MTHFD1L: variants seen among roughly 807,000 people sequenced by gnomAD.
MTHFD1L encodes methylenetetrahydrofolate dehydrogenase (NADP+ dependent) 1 like, also known as monofunctional C1-tetrahydrofolate synthase, mitochondrial.
MTHFD1L carries 81 observed loss-of-function variants against 119.5 expected under a neutral mutation model. That is an observed-to-expected ratio of 0.68 (90% CI 0.57 to 0.82). The LOEUF (loss-of-function observed/expected upper bound fraction) is 0.82. Ranked by LOEUF, MTHFD1L falls within the 40% of genes least tolerant of loss-of-function variation. The probability of loss-of-function intolerance (pLI) is 0.00; values close to 1 mark genes in which losing one functional copy is unlikely to be tolerated. For synonymous variants in MTHFD1L, 430 were observed against 475.2 expected (o/e 0.90, Z 1.24); for missense variants, 1,125 against 1,253.4 (o/e 0.90, Z 1.55).
chr6:150,866,152 G>T, intron 1 of MTHFD1L, 103 bp downstream of exon 1: 2 of 1,405,984 alleles, frequency 1.4e-6, no homozygotes, highest in South Asian at 2.9e-5. Flanking sequence ...GCGGGGCTGC[G>T]AGTGTTTGGT....
chr6:150,979,648 G>A (rs567998679), intron 20 of MTHFD1L, among the ~76,000 whole-genome samples: 21 of 151,990 alleles, frequency 1.4e-4, no homozygotes, highest in South Asian at 4.2e-4. Context: ...TTACAGGCAC[G>A]CACCACCATG....
chr6:151,090,547 A>G (rs1299581184), intron 26 of MTHFD1L, among the ~76,000 whole-genome samples: 1 of 151,688 alleles, frequency 6.6e-6, no homozygotes, highest in Non-Finnish European at 1.5e-5. Context: ...CCATGCAGGG[A>G]GGAGAGGCTG....
intron 26 of MTHFD1L, among the ~76,000 whole-genome samples, chr6:151,050,830 C>G (rs139417070): frequency 1.3e-5 from 2 of 152,206 alleles, no homozygotes; most frequent in South Asian, 4.1e-4. Context: ...TTTCCCAACA[C>G]GCTTATGTGT....
At position 151,062,190 on chromosome 6, in the gene MTHFD1L, A is replaced by G. The variant is rs948766635; in HGVS notation, c.2847+25073A>G. Among the ~76,000 whole-genome samples, 6 of 152,288 alleles carry G rather than the reference A, an allele frequency of 3.9e-5. No individual in the cohort carries two copies. The East Asian group carries it at 9.7e-4, about 24-fold the overall frequency. On this transcript the variant is annotated intron_variant, in intron 26 of 27. Transcript: ENST00000367321. Reference sequence around the variant, plus strand: ...GGTGGCTCACGCCTGTAATCCCAGCACTTTGGAAGGCCGAGGCGAGCGGAT... The same window carrying G: ...GGTGGCTCACGCCTGTAATCCCAGCGCTTTGGAAGGCCGAGGCGAGCGGAT...
intron 20 of MTHFD1L, among the ~76,000 whole-genome samples, chr6:151,008,224 T>TATTTCAAAA (rs1295028143): frequency 6.6e-6 from 1 of 152,244 alleles, no homozygotes. Flanking sequence ...CTGCCACTTA[T>TATTTCAAAA]AATTGTAAAT....
chr6:150,955,091 A>G (rs934015282), intron 16 of MTHFD1L, among the ~76,000 whole-genome samples: 2 of 152,154 alleles, frequency 1.3e-5, no homozygotes, highest in African/African-American at 4.8e-5. Context: ...GGCATTAAAT[A>G]CATTCACAAT....
chr6:150,905,532 A>G, intron 7 of MTHFD1L, 118 bp from the exon 8 acceptor site: 1 of 710,464 alleles, frequency 1.4e-6, no homozygotes, highest in Non-Finnish European at 2.5e-6. Flanking sequence ...CATCCTTGTC[A>G]GCAGCTTGGA....
intron 20 of MTHFD1L, among the ~76,000 whole-genome samples, chr6:150,976,915 G>A (rs139172232): frequency 6.0e-4 from 92 of 152,294 alleles, no homozygotes; most frequent in Middle Eastern, 3.4e-3. Flanking sequence ...AAATGATTTA[G>A]CAATTTCACT....
intron 26 of MTHFD1L, among the ~76,000 whole-genome samples, chr6:151,086,348 G>A (rs949353669): frequency 5.9e-5 from 9 of 151,686 alleles, no homozygotes; most frequent in African/African-American, 9.7e-5. Context: ...ATTTATCCTC[G>A]TGCATCATCT....
At chr6:151,083,148 G>A (rs1358553018) in intron 26 of MTHFD1L, among the ~76,000 whole-genome samples, 1 of 152,186 alleles carries the variant, frequency 6.6e-6, no homozygotes, top group Non-Finnish European at 1.5e-5. Context: ...ATAAGGAAAG[G>A]CAGGGAAGAA....
rs550787942 is a variant in MTHFD1L, at chr6:151,055,516, T to C, written c.2847+18399T>C. Among the ~76,000 whole-genome samples, 178 of 150,848 alleles carry C rather than the reference T, an allele frequency of 1.2e-3. 1 individual carries two copies. Among genetic ancestry groups the C allele is most frequent in the African/African-American group, 4.1e-3 (169 of 40,928 alleles). ...GAAATATTATATACTATGTTTGTGC[T>C]GAATCTTTTTTTTTTTTTTTTGTTT... On this transcript the variant is annotated intron_variant, in intron 26 of 27. Transcript: ENST00000367321.
intron 27 of MTHFD1L, among the ~76,000 whole-genome samples, chr6:151,096,961 C>G (rs1794940262): frequency 6.6e-6 from 1 of 152,218 alleles, no homozygotes; most frequent in Non-Finnish European, 1.5e-5. Flanking sequence ...ATGACTCATT[C>G]TTTTGGATGT....
At chr6:150,884,962 C>T (rs1781985721) in intron 5 of MTHFD1L, among the ~76,000 whole-genome samples, 1 of 152,058 alleles carries the variant, frequency 6.6e-6, no homozygotes, top group East Asian at 1.9e-4. Flanking sequence ...GACTGCAGGA[C>T]CATGCTTCTG....
chr6:150,938,763 T>A lies in MTHFD1L; in HGVS notation c.1440+18T>A, dbSNP rs1303142271. ...TGGAGGAGGTAAGACCTTGAAGAGATGCGGGTCAGCTATCACTGTGTTTCC... is the reference window on the plus strand; with the variant it reads ...TGGAGGAGGTAAGACCTTGAAGAGAAGCGGGTCAGCTATCACTGTGTTTCC... On this transcript the variant is annotated intron_variant, in intron 13 of 27. Coordinates refer to ENST00000367321, the MANE Select transcript of MTHFD1L (RefSeq NM_015440.5). The A allele has an allele frequency of 4.4e-6, 7 of 1,599,186 alleles. No individual in the cohort carries two copies. The highest frequency in any genetic ancestry group is 6.0e-6 in the Non-Finnish European group (7 of 1,172,714).
chr6:150,871,454 T>C (rs1779472511), intron 1 of MTHFD1L, among the ~76,000 whole-genome samples: 1 of 149,652 alleles, frequency 6.7e-6, no homozygotes, highest in Non-Finnish European at 1.5e-5. Flanking sequence ...TCTCAAACCC[T>C]GCAACTGCTT....
chr6:150,866,589 T>G, intron 1 of MTHFD1L: 1 of 1,222,082 alleles, frequency 8.2e-7, no homozygotes, highest in Non-Finnish European at 1.0e-6. Context: ...CCCCTCCTGC[T>G]GGGCTGGGGT....
chr6:150,938,337 CAA>C (rs1792480086), intron 12 of MTHFD1L, among the ~76,000 whole-genome samples: 1 of 152,080 alleles, frequency 6.6e-6, no homozygotes, highest in Non-Finnish European at 1.5e-5. Flanking sequence ...TTTTTTTAAA[CAA>C]AGTTTGCTCA....
chr6:150,954,016 T>C (rs1795233556), intron 16 of MTHFD1L, among the ~76,000 whole-genome samples: 1 of 152,130 alleles, frequency 6.6e-6, no homozygotes, highest in Admixed American at 6.5e-5. Flanking sequence ...TTGGTGTTTG[T>C]GTGAGGGTGT....
chr6:150,947,891 C>T (rs934646232), intron 15 of MTHFD1L, among the ~76,000 whole-genome samples: 2 of 152,160 alleles, frequency 1.3e-5, no homozygotes, highest in African/African-American at 2.4e-5. Flanking sequence ...GAGTCTATTA[C>T]GAACTCACAG....
Sources: allele counts gnomAD v4.1 joint callset (sites outside exome capture counted in the v4.1 genomes callset), GRCh38; gene constraint gnomAD v4.1.1; transcripts MANE v1.5; gene names NCBI Gene and HGNC (gene_info 2026-07-23, HGNC 2026-07-21).